Variants in RIOK2 observed in about 807,000 individuals in gnomAD.
RIOK2 encodes the protein serine/threonine-protein kinase RIO2.
A neutral mutation model predicts 62.4 loss-of-function variants in RIOK2; 46 were observed. That is an observed-to-expected ratio of 0.74 (90% confidence interval 0.58 to 0.94). The LOEUF (loss-of-function observed/expected upper bound fraction) is 0.94. Ranked by LOEUF, RIOK2 falls within the 40% of genes least tolerant of loss-of-function variation. RIOK2 has a pLI of 0.00. For synonymous variants in RIOK2, 197 were observed against 216.0 expected (o/e 0.91, Z 0.77); for missense variants, 574 against 658.0 (o/e 0.87, Z 1.40).
chr5:97,164,859 C>T (rs1439770056), intron 9 of RIOK2, 192 bp downstream of exon 9: 1 of 377,368 alleles, frequency 2.6e-6, no homozygotes, highest in African/African-American at 2.1e-5. Context: ...GGTGGCAGGA[C>T]ACAACTCTAC....
intron 6 of RIOK2, among the ~76,000 whole-genome samples, chr5:97,169,709 A>C (rs1038468445): frequency 6.6e-6 from 1 of 152,208 alleles, no homozygotes; most frequent in East Asian, 1.9e-4. Flanking sequence ...CATTTTCTAA[A>C]GCATATATAG....
At position 97,180,014 on chromosome 5, in the gene RIOK2, ATAAT is replaced by A. The variant is rs1339292885; in HGVS notation, c.67-825_67-822del. Among the ~76,000 whole-genome samples the A allele has an allele frequency of 3.2e-4, 23 of 70,978 alleles. 1 individual carries two copies. The highest frequency in any genetic ancestry group is 1.2e-3 in the African/African-American group (23 of 19,454). 46.6% of individuals were successfully genotyped at this position (70,978 alleles called of 152,430 possible). ...TAAAATATATATATATTATATATAT[ATAAT>A]ATATATATAATATATATATTATATA... is the stretch of plus-strand genomic sequence containing the variant. On this transcript the variant is annotated intron_variant, in intron 1 of 9. Coordinates refer to ENST00000283109, the MANE Select transcript of RIOK2 (RefSeq NM_018343.3).
chr5:97,167,450 T>G lies in RIOK2; in HGVS notation c.1397+17A>C. ...TCTCAAGACTAAAGTTAAAAAGCAA[T>G]CGACAGAAGTCTATACCTGAAAGGC... is the stretch of plus-strand genomic sequence containing the variant. On this transcript the variant is annotated intron_variant, in intron 8 of 9. Transcript: ENST00000283109. 1 of 1,599,698 alleles carries G rather than the reference T, an allele frequency of 6.3e-7. No homozygotes were observed. Among genetic ancestry groups the G allele is most frequent in the Non-Finnish European group, 8.5e-7 (1 of 1,173,680 alleles).
rs770002594 is a variant in RIOK2 at position 97,162,977 on chromosome 5, G to T, written c.*84C>A. On this transcript the variant is annotated 3_prime_UTR_variant, in exon 10 of 10. Coordinates refer to ENST00000283109, the MANE Select transcript of RIOK2 (RefSeq NM_018343.3). ...TATTTATTAATATATGATAGCCTTG[G>T]CTCAAAAAAGACAAATGAGGGCTCA... 2.6e-6 allele frequency: 3 copies of T among 1,162,124 alleles called. No individual in the cohort carries two copies. Among genetic ancestry groups the T allele is most frequent in the Non-Finnish European group, 3.6e-6 (3 of 833,626 alleles). 72.0% of individuals were successfully genotyped at this position (1,162,124 alleles called of 1,614,324 possible).
At chr5:97,181,888 A>C (rs1749423889) in intron 1 of RIOK2, among the ~76,000 whole-genome samples, 1 of 152,214 alleles carries the variant, frequency 6.6e-6, no homozygotes, top group Non-Finnish European at 1.5e-5. Context: ...GCTGATTAGA[A>C]GAATCTACAT....
At chr5:97,175,700 C>T (rs1749145698) in intron 4 of RIOK2, among the ~76,000 whole-genome samples, 1 of 152,178 alleles carries the variant, frequency 6.6e-6, no homozygotes, top group Admixed American at 6.5e-5. Flanking sequence ...ATAACCCACT[C>T]AAAGAACAAG....
At chr5:97,164,699 C>T (rs1437545083) in intron 9 of RIOK2, among the ~76,000 whole-genome samples, 1 of 152,096 alleles carries the variant, frequency 6.6e-6, no homozygotes, top group Non-Finnish European at 1.5e-5. Context: ...AAGTGACCTA[C>T]ATTAATTTTT....
At chr5:97,166,968 T>G in intron 8 of RIOK2, 2 of 752,684 alleles carry the variant, frequency 2.7e-6, no homozygotes, top group Non-Finnish European at 3.2e-6. Flanking sequence ...CAGGCTGGAG[T>G]GCAGTGGTAC....
chr5:97,175,966 T>C (rs1198909688), intron 4 of RIOK2: 2 of 152,194 alleles, frequency 1.3e-5, no homozygotes, highest in East Asian at 3.9e-4. Flanking sequence ...ACAGTATAAA[T>C]GTAGTCCGCC....
chr5:97,163,508 C>A (rs1035589743), intron 9 of RIOK2, among the ~76,000 whole-genome samples: 1 of 152,116 alleles, frequency 6.6e-6, no homozygotes, highest in East Asian at 1.9e-4. Flanking sequence ...ACTGCTTGTT[C>A]CTCTGCTTTT....
At chr5:97,180,027 AAT>A (rs1301977696) in intron 1 of RIOK2, among the ~76,000 whole-genome samples, 1 of 63,460 alleles carries the variant, frequency 1.6e-5, no homozygotes. Context: ...ATATATATAT[AAT>A]ATATATATTA....
intron 1 of RIOK2, among the ~76,000 whole-genome samples, chr5:97,180,134 A>ATATATG (rs1231063136): frequency 1.8e-4 from 6 of 33,308 alleles, no homozygotes; most frequent in African/African-American, 4.3e-4. Flanking sequence ...ATGTATATAT[A>ATATATG]TATATATGTA....
chr5:97,162,772 C>T lies in RIOK2; in HGVS notation c.*289G>A. ...TTTATGTGCATTGTAGCATATCATCCTCAACAAACAGAAAACAACAAAAAT... is the reference window on the plus strand; with the variant it reads ...TTTATGTGCATTGTAGCATATCATCTTCAACAAACAGAAAACAACAAAAAT... On this transcript the variant is annotated 3_prime_UTR_variant, in exon 10 of 10. Transcript: ENST00000283109. 1 of 297,874 alleles carries T rather than the reference C, an allele frequency of 3.4e-6. No individual in the cohort carries two copies. The highest frequency in any genetic ancestry group is 6.2e-6 in the Non-Finnish European group (1 of 161,356). The allele number at this position is 297,874 out of a possible 1,614,324, so 18.5% of individuals were successfully genotyped here. A position where few individuals can be genotyped will look rare whatever the true frequency, so the allele number is the denominator to read the frequency against.
At position 97,163,023 on chromosome 5, in the gene RIOK2, T is replaced by A. The variant is rs199874070; in HGVS notation, c.*38A>T. ...GCTCAAAAAGGAATTACAGTAACTT[T>A]AAAAAATATATTAAACATATCCAAG... On this transcript the variant is annotated 3_prime_UTR_variant, in exon 10 of 10. Transcript: ENST00000283109. 1.6e-4 allele frequency: 246 copies of A among 1,531,288 alleles called. No homozygotes were observed. In the African/African-American group the frequency reaches 3.2e-3, roughly 20 times the overall value. The allele number at this position is 1,531,288 out of a possible 1,614,324, so 94.9% of individuals were successfully genotyped here. A position where few individuals can be genotyped will look rare whatever the true frequency, so the allele number is the denominator to read the frequency against.
chr5:97,182,786 G>C (rs987885109), intron 1 of RIOK2: 7 of 233,606 alleles, frequency 3.0e-5, no homozygotes, highest in Admixed American at 1.6e-4. Flanking sequence ...CTCGGGGGGG[G>C]GGGGGGGCTT....
chr5:97,168,678 T>A, intron 7 of RIOK2, 82 bp downstream of exon 7: 1 of 883,784 alleles, frequency 1.1e-6, no homozygotes, highest in Non-Finnish European at 1.7e-6. Context: ...GAAAGTTTTT[T>A]AGATGAAAAT....
chr5:97,183,078 TCA>T, intron 1 of RIOK2, 46 bp downstream of exon 1: 1 of 1,594,664 alleles, frequency 6.3e-7, no homozygotes, highest in Non-Finnish European at 8.6e-7. Flanking sequence ...CAGGAAGAGG[TCA>T]CACAGTGTTA....
intron 1 of RIOK2, among the ~76,000 whole-genome samples, chr5:97,180,139 T>TAC (rs1749351348): frequency 3.2e-4 from 11 of 34,810 alleles, no homozygotes; most frequent in African/African-American, 7.4e-4. Context: ...TATATATATA[T>TAC]ATGTATATAT....
rs1018189586 is a variant in RIOK2 at position 97,163,209 on chromosome 5, TTC to T, written c.1509_1510del (p.Lys504GlyfsTer30). ...CTGTTTTGTCAACTGACGTTTCACC[TTC>T]TGTTTCACCAGTTCCTGGAAAGATT... On this transcript the variant is annotated frameshift_variant, in exon 10 of 10. Coordinates refer to ENST00000283109, the MANE Select transcript of RIOK2 (RefSeq NM_018343.3). LOFTEE classifies it high-confidence loss of function. 14 of 1,613,356 alleles carry T rather than the reference TTC, an allele frequency of 8.7e-6. No individual in the cohort carries two copies. The highest frequency in any genetic ancestry group is 2.7e-5 in the African/African-American group (2 of 75,042).
Sources: allele counts gnomAD v4.1 joint callset (sites outside exome capture counted in the v4.1 genomes callset), GRCh38; gene constraint gnomAD v4.1.1; transcripts MANE v1.5; gene names NCBI Gene and HGNC (gene_info 2026-07-23, HGNC 2026-07-21).